Variants in FBXO4 observed in about 807,000 individuals in gnomAD.
The protein encoded by FBXO4 is F-box only protein 4.
FBXO4 carries 36 observed loss-of-function variants against 43.7 expected under a neutral mutation model. The observed-to-expected ratio is 0.82, with a 90% CI of 0.63 to 1.09. The LOEUF (loss-of-function observed/expected upper bound fraction) is 1.09, where lower values mean the gene tolerates loss of function less well. FBXO4 is among the 50% of genes least tolerant of loss of function. The pLI is 0.00. For missense variants in FBXO4, 435 were observed against 474.1 expected, an observed-to-expected ratio of 0.92 and a Z score of 0.77; for synonymous variants, 180 against 165.6, an observed-to-expected ratio of 1.09 and a Z score of -0.67.
chr5:41,965,778 A>T, the FBXO4 span, among the ~76,000 whole-genome samples: 1 of 152,194 alleles, frequency 6.6e-6, no homozygotes, highest in South Asian at 2.1e-4. Context: ...AGGGATCTAG[A>T]ATTAGAAATA....
chr5:42,010,806 T>C, the FBXO4 span, among the ~76,000 whole-genome samples: 14 of 152,212 alleles, frequency 9.2e-5, no homozygotes, highest in Admixed American at 6.5e-5. Flanking sequence ...TATACATTTC[T>C]ACCAGCAATC....
chr5:41,975,638 AACT>A, the FBXO4 span, among the ~76,000 whole-genome samples: 10 of 152,340 alleles, frequency 6.6e-5, no homozygotes, highest in African/African-American at 2.2e-4. Flanking sequence ...CACTATACTA[AACT>A]ACTTTTATTA....
downstream of FBXO4, among the ~76,000 whole-genome samples, chr5:41,943,698 A>G (rs1752037383): frequency 6.6e-6 from 1 of 152,322 alleles, no homozygotes; most frequent in Admixed American, 6.5e-5. Flanking sequence ...TTACTTGAAA[A>G]TTGTGCCTCT....
intron 5 of FBXO4, among the ~76,000 whole-genome samples, chr5:41,937,906 A>G: frequency 6.6e-6 from 1 of 152,230 alleles, no homozygotes; most frequent in East Asian, 1.9e-4. Flanking sequence ...ACTCCCAAAG[A>G]CACCCCTTCC....
At chr5:41,984,366 A>G in the FBXO4 span, among the ~76,000 whole-genome samples, 15 of 152,190 alleles carry the variant, frequency 9.9e-5, no homozygotes, top group Admixed American at 9.8e-4. Context: ...CACTTCTTTA[A>G]ATTAACTCTC....
the FBXO4 span, chr5:41,967,484 G>C: frequency 1.5e-6 from 1 of 654,212 alleles, no homozygotes; most frequent in Admixed American, 1.9e-5. Context: ...CTGCTCTTTG[G>C]GGGTATATCA....
At chr5:41,979,567 G>A in the FBXO4 span, among the ~76,000 whole-genome samples, 2 of 152,176 alleles carry the variant, frequency 1.3e-5, no homozygotes, top group African/African-American at 2.4e-5. Context: ...TCCCAACATG[G>A]CCAGTTTCAA....
Position 41,925,493 on chromosome 5 carries a change from C to T in FBXO4, c.184C>T (p.Leu62=). 2 of 1,309,304 alleles carry T rather than the reference C, an allele frequency of 1.5e-6. No individual in the cohort carries two copies. The highest frequency in any genetic ancestry group is 2.0e-6 in the Non-Finnish European group (2 of 1,021,072). 81.1% of individuals were successfully genotyped at this position (1,309,304 alleles called of 1,614,324 possible). A position where few individuals can be genotyped will look rare whatever the true frequency, so the allele number is the denominator to read the frequency against. ...TGAGGCGGCCAGCACCCTGACGCGGCTGCCGGTGAGCGTCGGCCGCAGGCC... is the reference window on the plus strand; with the variant it reads ...TGAGGCGGCCAGCACCCTGACGCGGTTGCCGGTGAGCGTCGGCCGCAGGCC... ...VDEAASTLTR[L]PIDVQLYILS... The change falls in exon 1 of 7, where the codon CTG becomes TTG. Residue 62 remains leucine, a synonymous_variant. Coordinates refer to ENST00000281623, the MANE Select transcript of FBXO4 (RefSeq NM_012176.3).
chr5:42,036,472 A>G, the FBXO4 span, among the ~76,000 whole-genome samples: 1 of 152,138 alleles, frequency 6.6e-6, no homozygotes, highest in African/African-American at 2.4e-5. Context: ...ATGGCCCTTT[A>G]AAATAAAACG....
At chr5:41,950,334 C>G in the FBXO4 span, among the ~76,000 whole-genome samples, 3 of 152,058 alleles carry the variant, frequency 2.0e-5, no homozygotes, top group South Asian at 6.2e-4. Context: ...GGGCTAATAC[C>G]CAGAATCTAC....
chr5:42,033,014 G>A, the FBXO4 span, among the ~76,000 whole-genome samples: 2 of 152,250 alleles, frequency 1.3e-5, no homozygotes, highest in East Asian at 3.9e-4. Context: ...CCTAGGTTGT[G>A]CTAAAAATGC....
At chr5:41,975,991 G>A in the FBXO4 span, among the ~76,000 whole-genome samples, 2 of 152,092 alleles carry the variant, frequency 1.3e-5, no homozygotes, top group Non-Finnish European at 2.9e-5. Flanking sequence ...GTCACATGGT[G>A]AGAGTGGGAG....
the FBXO4 span, among the ~76,000 whole-genome samples, chr5:42,038,417 T>A: frequency 6.6e-6 from 1 of 152,156 alleles, no homozygotes; most frequent in Non-Finnish European, 1.5e-5. Context: ...GATATTCTAC[T>A]ACCAGCCATT....
the FBXO4 span, among the ~76,000 whole-genome samples, chr5:41,998,055 C>T: frequency 2.6e-5 from 4 of 152,150 alleles, no homozygotes; most frequent in Non-Finnish European, 4.4e-5. Context: ...ATCAATTTCA[C>T]TTCTAGGAAC....
the FBXO4 span, among the ~76,000 whole-genome samples, chr5:42,006,950 A>G: frequency 2.1e-5 from 3 of 144,956 alleles, no homozygotes; most frequent in African/African-American, 7.6e-5. Context: ...ATATATATAC[A>G]TGACATATAT....
the FBXO4 span, among the ~76,000 whole-genome samples, chr5:41,977,994 G>C: frequency 6.6e-6 from 1 of 152,092 alleles, no homozygotes; most frequent in Non-Finnish European, 1.5e-5. Context: ...CATTTATAAA[G>C]AAAACAGGCT....
At chr5:42,012,797 G>GT in the FBXO4 span, among the ~76,000 whole-genome samples, 2 of 152,104 alleles carry the variant, frequency 1.3e-5, no homozygotes, top group African/African-American at 2.4e-5. Flanking sequence ...CTGGGCTTCA[G>GT]TTTTTTCCCA....
the FBXO4 span, among the ~76,000 whole-genome samples, chr5:42,005,423 A>G: frequency 1.3e-5 from 2 of 152,152 alleles, no homozygotes; most frequent in African/African-American, 4.8e-5. Context: ...AGACTATAAA[A>G]ACATTTACAA....
At chr5:41,952,777 G>C in the FBXO4 span, among the ~76,000 whole-genome samples, 1 of 151,926 alleles carries the variant, frequency 6.6e-6, no homozygotes, top group Non-Finnish European at 1.5e-5. Context: ...CTCTTTTTGA[G>C]TTTACTATTC....
Sources: allele counts gnomAD v4.1 joint callset (sites outside exome capture counted in the v4.1 genomes callset), GRCh38; gene constraint gnomAD v4.1.1; transcripts MANE v1.5; gene names NCBI Gene and HGNC (gene_info 2026-07-23, HGNC 2026-07-21).